Variants in MANBA observed in about 807,000 individuals in gnomAD.
The protein encoded by MANBA is mannosidase beta.
MANBA carries 83 observed loss-of-function variants against 111.1 expected under a neutral mutation model. The ratio of observed to expected loss-of-function variants is 0.75; its 90% confidence interval spans 0.63 to 0.90. The LOEUF (loss-of-function observed/expected upper bound fraction) is 0.90. MANBA is among the 40% of genes least tolerant of loss of function. The pLI is 0.00. For synonymous variants in MANBA, 370 were observed against 378.7 expected (o/e 0.98, Z 0.27); for missense variants, 1,036 against 1,069.0 (o/e 0.97, Z 0.43).
chr4:102,684,264 A>T (rs1238996687), intron 7 of MANBA, among the ~76,000 whole-genome samples: 1 of 152,192 alleles, frequency 6.6e-6, no homozygotes, highest in Non-Finnish European at 1.5e-5. Flanking sequence ...AATAAACAAG[A>T]GCAATAGAGG....
chr4:102,728,310 T>A, intron 1 of MANBA: 1 of 535,184 alleles, frequency 1.9e-6, no homozygotes, highest in Non-Finnish European at 3.8e-6. Context: ...AAGTGACTTT[T>A]CTGGATGCTC....
At chr4:102,652,067 T>C (rs990044976) in intron 12 of MANBA, among the ~76,000 whole-genome samples, 1 of 152,200 alleles carries the variant, frequency 6.6e-6, no homozygotes, top group Admixed American at 6.5e-5. Flanking sequence ...AGCAAATTCA[T>C]CACCTCAAAC....
At chr4:102,672,140 A>G (rs1731524932) in intron 8 of MANBA, 1 of 398,544 alleles carries the variant, frequency 2.5e-6, no homozygotes, top group African/African-American at 2.1e-5. Flanking sequence ...TCATTTTCTT[A>G]TGAAATCTAA....
At chr4:102,748,685 T>A (rs1289904647) in intron 1 of MANBA, among the ~76,000 whole-genome samples, 1 of 152,032 alleles carries the variant, frequency 6.6e-6, no homozygotes, top group Non-Finnish European at 1.5e-5. Context: ...GGGGCCGAGG[T>A]GGGCGGATCA....
At chr4:102,712,378 T>C (rs565222302) in intron 5 of MANBA, among the ~76,000 whole-genome samples, 3 of 152,314 alleles carry the variant, frequency 2.0e-5, no homozygotes, top group African/African-American at 4.8e-5. Flanking sequence ...TAGTTTCATA[T>C]TCAAATTGTA....
chr4:102,636,096 G>T (rs907893291), intron 14 of MANBA, 89 bp from the exon 15 acceptor site: 2 of 1,158,202 alleles, frequency 1.7e-6, no homozygotes, highest in East Asian at 2.4e-5. Flanking sequence ...GGCTCATCGG[G>T]GTTCTAAGGG....
intron 12 of MANBA, among the ~76,000 whole-genome samples, chr4:102,653,560 T>G (rs1003792128): frequency 6.6e-6 from 1 of 152,220 alleles, no homozygotes; most frequent in Admixed American, 6.5e-5. Context: ...TTAGTTTTTC[T>G]TTTGGTTTAT....
intron 11 of MANBA, chr4:102,658,948 A>G (rs1454868699): frequency 6.6e-6 from 1 of 152,228 alleles, no homozygotes; most frequent in African/African-American, 2.4e-5. Context: ...TCAGTAGATG[A>G]GACTACTTCC....
chr4:102,739,048 G>A (rs1310577536), intron 1 of MANBA, among the ~76,000 whole-genome samples: 1 of 152,132 alleles, frequency 6.6e-6, no homozygotes, highest in East Asian at 1.9e-4. Context: ...AAATGAAATT[G>A]ATAGACCACT....
chr4:102,718,183 T>C (rs1297352029), intron 4 of MANBA, among the ~76,000 whole-genome samples: 1 of 152,204 alleles, frequency 6.6e-6, no homozygotes, highest in Non-Finnish European at 1.5e-5. Context: ...TGAGCACCTG[T>C]TGTGGATAGT....
rs956917184 is a variant in MANBA, at chr4:102,671,226, G to A, written c.1230+55C>T. 4 of 1,116,882 alleles carry A rather than the reference G, an allele frequency of 3.6e-6. No individual in the cohort carries two copies. In the African/African-American group the frequency reaches 4.6e-5, roughly 13 times the overall value. 69.2% of individuals were successfully genotyped at this position (1,116,882 alleles called of 1,614,324 possible). The stretch of plus-strand genomic sequence containing the variant: ...AATTGCATCATTCAGAACATTGGCA[G>A]TCAAACTGAGGATATAGTAACTTAT... On this transcript the variant is annotated intron_variant, in intron 9 of 16. Transcript: ENST00000647097.
In MANBA at chr4:102,674,083, GAATTA is replaced by G; in HGVS notation, c.961-18_961-14del. 1 of 1,576,440 alleles carries G rather than the reference GAATTA, an allele frequency of 6.3e-7. No homozygotes were observed. Among genetic ancestry groups the G allele is most frequent in the Non-Finnish European group, 8.7e-7 (1 of 1,147,436 alleles). On this transcript the variant is annotated splice_polypyrimidine_tract_variant and intron_variant, in intron 7 of 16. Coordinates refer to ENST00000647097, the MANE Select transcript of MANBA (RefSeq NM_005908.4). ...TCCTAAAATAAACCTGCAATGAACA[GAATTA>G]AATGATGAATATCAAATTTAAACAT...
At position 102,734,613 on chromosome 4, in the gene MANBA, T is replaced by C; in HGVS notation, c.178-7930A>G. ...CAAGAAAGAGACCAAGAAGAAGCGG[T>C]AGAAGAGGAGGCCCGAGGAGCCAGA... On this transcript the variant is annotated intron_variant, in intron 1 of 16. Transcript: ENST00000647097. 1.1e-5 allele frequency: 17 copies of C among 1,599,400 alleles called. No individual in the cohort carries two copies. The South Asian group carries it at 1.7e-4, about 16-fold the overall frequency.
intron 7 of MANBA, among the ~76,000 whole-genome samples, chr4:102,680,590 A>T (rs1731919203): frequency 1.3e-5 from 2 of 152,174 alleles, no homozygotes; most frequent in Middle Eastern, 3.2e-3. Context: ...TCTAAAAAAA[A>T]AAAATCACAC....
At chr4:102,641,148 G>A (rs1729863474) in intron 13 of MANBA, among the ~76,000 whole-genome samples, 1 of 152,154 alleles carries the variant, frequency 6.6e-6, no homozygotes, top group Admixed American at 6.6e-5. Flanking sequence ...AGTGAGGATT[G>A]GCCTAAAAGA....
intron 1 of MANBA, among the ~76,000 whole-genome samples, chr4:102,739,977 C>A (rs1723343831): frequency 1.3e-5 from 2 of 152,080 alleles, no homozygotes; most frequent in South Asian, 4.1e-4. Flanking sequence ...AAAGGGCATC[C>A]AAATCAGTAA....
At chr4:102,692,211 C>T (rs1414545843) in intron 5 of MANBA, among the ~76,000 whole-genome samples, 3 of 151,902 alleles carry the variant, frequency 2.0e-5, no homozygotes. Flanking sequence ...TCTCTGTGTA[C>T]AAAAAGCCCC....
intron 2 of MANBA, among the ~76,000 whole-genome samples, chr4:102,725,455 A>G (rs1399807533): frequency 1.3e-5 from 2 of 152,126 alleles, no homozygotes; most frequent in Middle Eastern, 3.2e-3. Flanking sequence ...TAAGGAGGAA[A>G]AAGCTGGACA....
chr4:102,744,777 G>C (rs1030492001), intron 1 of MANBA, among the ~76,000 whole-genome samples: 4 of 152,184 alleles, frequency 2.6e-5, no homozygotes, highest in African/African-American at 9.7e-5. Context: ...CACCACCCTT[G>C]AGACTTTCAG....
Sources: allele counts gnomAD v4.1 joint callset (sites outside exome capture counted in the v4.1 genomes callset), GRCh38; gene constraint gnomAD v4.1.1; transcripts MANE v1.5; gene names NCBI Gene and HGNC (gene_info 2026-07-23, HGNC 2026-07-21).